The following LUZP2 variants were observed in gnomAD, a reference collection of about 807,000 sequenced individuals.
LUZP2 encodes leucine zipper protein 2.
LUZP2 carries 52 observed loss-of-function variants against 51.6 expected under a neutral mutation model. The ratio of observed to expected loss-of-function variants is 1.01; its 90% CI spans 0.81 to 1.27. The LOEUF is 1.27. Ranked by LOEUF, LUZP2 falls within the 50% of genes most tolerant of loss-of-function variation. LUZP2 has a pLI of 0.00. For synonymous variants in LUZP2, 154 were observed against 137.3 expected (o/e 1.12, Z -0.85); for missense variants, 436 against 395.4 (o/e 1.10, Z -0.87).
intron 9 of LUZP2, among the ~76,000 whole-genome samples, chr11:25,036,160 CATTT>C (rs1385374647): frequency 1.3e-5 from 2 of 151,814 alleles, no homozygotes; most frequent in Non-Finnish European, 2.9e-5. Flanking sequence ...ATTGGCTATT[CATTT>C]ATTTAGAGTT....
At chr11:24,608,999 A>G (rs1463170579) in intron 1 of LUZP2, among the ~76,000 whole-genome samples, 1 of 152,124 alleles carries the variant, frequency 6.6e-6, no homozygotes, top group African/African-American at 2.4e-5. Flanking sequence ...TTAAAAATAC[A>G]AAGTGGAGAT....
At chr11:24,814,876 C>G (rs1850128754) in intron 5 of LUZP2, among the ~76,000 whole-genome samples, 1 of 151,884 alleles carries the variant, frequency 6.6e-6, no homozygotes, top group Non-Finnish European at 1.5e-5. Flanking sequence ...CCTGTAGTCC[C>G]AGCTACTCGG....
At chr11:24,510,034 C>T (rs1320070097) in intron 1 of LUZP2, among the ~76,000 whole-genome samples, 1 of 152,122 alleles carries the variant, frequency 6.6e-6, no homozygotes, top group African/African-American at 2.4e-5. Context: ...CTCACAACAT[C>T]TTATGTAGCA....
intron 5 of LUZP2, chr11:24,891,141 C>T (rs1225439011): frequency 1.0e-6 from 1 of 984,408 alleles, no homozygotes; most frequent in African/African-American, 1.7e-5. Context: ...ACTATTTCCC[C>T]TAAAATTGAC....
At chr11:24,581,181 A>C (rs1001568129) in intron 1 of LUZP2, among the ~76,000 whole-genome samples, 1 of 148,172 alleles carries the variant, frequency 6.7e-6, no homozygotes, top group Non-Finnish European at 1.5e-5. Context: ...CCTTGGATGT[A>C]TACCCTTTCA....
At chr11:24,697,032 A>G (rs1166081644) in intron 1 of LUZP2, among the ~76,000 whole-genome samples, 2 of 152,132 alleles carry the variant, frequency 1.3e-5, no homozygotes, top group Non-Finnish European at 2.9e-5. Context: ...GGAGAAATAT[A>G]TGGATTAAAT....
At chr11:24,644,583 C>T (rs563357933) in intron 1 of LUZP2, among the ~76,000 whole-genome samples, 20 of 151,434 alleles carry the variant, frequency 1.3e-4, no homozygotes, top group African/African-American at 2.4e-4. Flanking sequence ...GTTTTATGCA[C>T]GTTTACCTTC....
At chr11:24,944,061 T>C (rs776940462) in intron 7 of LUZP2, among the ~76,000 whole-genome samples, 1 of 152,158 alleles carries the variant, frequency 6.6e-6, no homozygotes, top group Non-Finnish European at 1.5e-5. Flanking sequence ...CACACACACA[T>C]GATCACCTTT....
At chr11:24,722,693 G>A (rs549058254) in intron 1 of LUZP2, among the ~76,000 whole-genome samples, 1 of 152,202 alleles carries the variant, frequency 6.6e-6, no homozygotes, top group East Asian at 1.9e-4. Flanking sequence ...CAAGGCAGGA[G>A]GATCATTTGA....
chr11:24,918,773 T>A (rs1324646444), intron 7 of LUZP2, among the ~76,000 whole-genome samples: 1 of 149,866 alleles, frequency 6.7e-6, no homozygotes, highest in Non-Finnish European at 1.5e-5. Flanking sequence ...TATTTCTGTC[T>A]ATTTCCCTTT....
At chr11:24,680,838 A>C (rs1265195362) in intron 1 of LUZP2, among the ~76,000 whole-genome samples, 1 of 152,222 alleles carries the variant, frequency 6.6e-6, no homozygotes, top group Non-Finnish European at 1.5e-5. Flanking sequence ...CGGATAATCT[A>C]CCTGACTTCA....
intron 1 of LUZP2, among the ~76,000 whole-genome samples, chr11:24,606,517 G>A (rs1853924155): frequency 6.6e-6 from 1 of 151,996 alleles, no homozygotes; most frequent in Admixed American, 6.6e-5. Flanking sequence ...ACTATCATAT[G>A]AGTGACAATT....
chr11:25,051,233 C>G (rs1277428380), intron 10 of LUZP2, among the ~76,000 whole-genome samples: 2 of 151,838 alleles, frequency 1.3e-5, no homozygotes. Context: ...AGGAGAATGG[C>G]GTGAACCCGG....
At chr11:25,056,993 G>A (rs971919967) in intron 10 of LUZP2, among the ~76,000 whole-genome samples, 7 of 146,468 alleles carry the variant, frequency 4.8e-5, no homozygotes, top group Admixed American at 6.7e-5. Flanking sequence ...CCAGCTACTG[G>A]AGAGGCTGAG....
intron 5 of LUZP2, among the ~76,000 whole-genome samples, chr11:24,795,519 C>G (rs1429029175): frequency 6.6e-6 from 1 of 152,054 alleles, no homozygotes; most frequent in Non-Finnish European, 1.5e-5. Context: ...AATATCCATG[C>G]AGAAATTAAG....
chr11:25,077,644 C>T (rs1389422832), intron 11 of LUZP2, among the ~76,000 whole-genome samples: 2 of 151,674 alleles, frequency 1.3e-5, no homozygotes, highest in African/African-American at 2.4e-5. Flanking sequence ...GGACTACAGG[C>T]GCCCACCACC....
intron 7 of LUZP2, among the ~76,000 whole-genome samples, chr11:24,945,523 T>G (rs1854874260): frequency 6.6e-6 from 1 of 152,014 alleles, no homozygotes; most frequent in African/African-American, 2.4e-5. Flanking sequence ...GCCTGTTTTT[T>G]TTTTTTTTTC....
chr11:25,019,430 C>A (rs1006332169), intron 9 of LUZP2, among the ~76,000 whole-genome samples: 1 of 152,036 alleles, frequency 6.6e-6, no homozygotes, highest in Admixed American at 6.6e-5. Context: ...TTGATTTGAA[C>A]TATATCATAT....
chr11:24,881,526 G>A lies in LUZP2; in HGVS notation c.397-24465G>A, dbSNP rs535406434. ...CTTTGTCTACCTGAGATGTAAATGA[G>A]CCACTTGAATAATCAGAGGAAGTTG... On this transcript the variant is annotated intron_variant, in intron 5 of 11. Coordinates refer to ENST00000336930, the MANE Select transcript of LUZP2 (RefSeq NM_001009909.4). Among the ~76,000 whole-genome samples the A allele has an allele frequency of 2.6e-5, 4 of 151,924 alleles. No individual in the cohort carries two copies. The East Asian group carries it at 7.7e-4, about 29-fold the overall frequency.
Sources: allele counts gnomAD v4.1 joint callset (sites outside exome capture counted in the v4.1 genomes callset), GRCh38; gene constraint gnomAD v4.1.1; transcripts MANE v1.5; gene names NCBI Gene and HGNC (gene_info 2026-07-23, HGNC 2026-07-21).